The following SDR42E1 variants were observed in gnomAD, a reference collection of about 807,000 sequenced individuals.
The protein encoded by SDR42E1 is short-chain dehydrogenase/reductase family 42E member 1.
A neutral mutation model predicts 2.6 loss-of-function variants in SDR42E1; 5 were observed. The ratio of observed to expected loss-of-function variants is 1.94; its 90% CI spans 1.01 to 4.08. The LOEUF (loss-of-function observed/expected upper bound fraction) is 4.08. Among genes scored for constraint, SDR42E1 ranks in the 30% most tolerant of loss-of-function variants. The pLI, the probability that SDR42E1 is intolerant of heterozygous loss-of-function variation, is 0.00. For missense variants in SDR42E1, 596 were observed against 478.6 expected, an observed-to-expected ratio of 1.25 and a Z score of -2.29; for synonymous variants, 231 against 188.3, an observed-to-expected ratio of 1.23 and a Z score of -1.86.
intron 1 of SDR42E1, among the ~76,000 whole-genome samples, chr16:82,006,398 A>T (rs1912935823): frequency 6.6e-6 from 1 of 152,228 alleles, no homozygotes; most frequent in Admixed American, 6.5e-5. Flanking sequence ...AAAATTATCT[A>T]CTTGTGTTTA....
chr16:82,010,054 C>T (rs1913076044), intron 1 of SDR42E1, among the ~76,000 whole-genome samples: 1 of 152,204 alleles, frequency 6.6e-6, no homozygotes, highest in Admixed American at 6.5e-5. Flanking sequence ...TGACTTTGCT[C>T]CTCTTTTGCC....
chr16:82,004,411 T>A (rs1287454596), intron 1 of SDR42E1, among the ~76,000 whole-genome samples: 1 of 152,204 alleles, frequency 6.6e-6, no homozygotes, highest in Non-Finnish European at 1.5e-5. Flanking sequence ...GTGTGCAAAC[T>A]GAAGCATGGA....
chr16:82,000,951 C>A, intron 1 of SDR42E1, 67 bp from the exon 2 acceptor site: 2 of 1,115,778 alleles, frequency 1.8e-6, no homozygotes, highest in Admixed American at 4.3e-5. Flanking sequence ...TAATTTTGAC[C>A]TAACAAAAAC....
At position 81,995,673 on chromosome 16, in the gene SDR42E1, G is replaced by A. The variant is rs1236618567; in HGVS notation, c.*3438C>T. On this transcript the variant is annotated 3_prime_UTR_variant, in exon 3 of 3. Coordinates refer to ENST00000328945, the MANE Select transcript of SDR42E1 (RefSeq NM_145168.3). Reference sequence around the variant, plus strand: ...AGATTAGAAACAGTGAGTTATCTGTGTGCTAGAAAAGAGTGTTCATCCATA... The same window carrying A: ...AGATTAGAAACAGTGAGTTATCTGTATGCTAGAAAAGAGTGTTCATCCATA... The A allele has an allele frequency of 2.6e-5, 4 of 152,216 alleles. No individual in the cohort carries two copies. Among genetic ancestry groups the A allele is most frequent in the Non-Finnish European group, 5.9e-5 (4 of 68,052 alleles). The allele number at this position is 152,216 out of a possible 1,614,324, so 9.4% of individuals were successfully genotyped here.
rs985065562 is a variant in SDR42E1 at position 81,991,390 on chromosome 16, G to A, written c.*7721C>T. ...CGAGTAACACTTAGCCTTGAATAAT[G>A]TCATGCTAACGTGATAAAACCACCT... is the stretch of plus-strand genomic sequence containing the variant. On this transcript the variant is annotated 3_prime_UTR_variant, in exon 3 of 3. Coordinates refer to ENST00000328945, the MANE Select transcript of SDR42E1 (RefSeq NM_145168.3). 6.6e-6 allele frequency: 1 copy of A among 152,112 alleles called. No individual in the cohort carries two copies. Among genetic ancestry groups the A allele is most frequent in the African/African-American group, 2.4e-5 (1 of 41,422 alleles). The allele number at this position is 152,112 out of a possible 1,614,324, so 9.4% of individuals were successfully genotyped here. A position where few individuals can be genotyped will look rare whatever the true frequency, so the allele number is the denominator to read the frequency against.
Position 81,999,685 on chromosome 16 carries a change from T to G in SDR42E1, c.608A>C (p.Tyr203Ser). ...EQRHLPRIVS[Y>S]IEKGLFKFVY... is the part of the protein sequence containing the mutation. ...AAACTTGAACAGACCCTTCTCGATG[T>G]AGCTGACTATCCTGGGAAGGTGTCT... Residue 203 changes from tyrosine (Y) to serine (S), a missense_variant, in exon 3 of 3, where the codon TAC (tyrosine) becomes TCC (serine). Coordinates refer to ENST00000328945, the MANE Select transcript of SDR42E1 (RefSeq NM_145168.3). 1 of 1,614,206 alleles carries G rather than the reference T, an allele frequency of 6.2e-7. No homozygotes were observed. The highest frequency in any genetic ancestry group is 8.5e-7 in the Non-Finnish European group (1 of 1,180,036).
intron 1 of SDR42E1, among the ~76,000 whole-genome samples, chr16:82,004,835 A>G (rs1288428319): frequency 6.6e-6 from 1 of 152,246 alleles, no homozygotes; most frequent in Non-Finnish European, 1.5e-5. Flanking sequence ...AGTGAGGACA[A>G]AAGGCCAGTG....
At position 81,991,209 on chromosome 16, in the gene SDR42E1, C is replaced by G. The variant is rs142596147; in HGVS notation, c.*7902G>C. On this transcript the variant is annotated 3_prime_UTR_variant, in exon 3 of 3. Transcript: ENST00000328945. ...AATACATGGAATTCCAGTAGATTAA[C>G]AGCACCCCCCGCCCACACACCTCAG... 6.6e-6 allele frequency: 1 copy of G among 152,210 alleles called. No individual in the cohort carries two copies. Among genetic ancestry groups the G allele is most frequent in the African/African-American group, 2.4e-5 (1 of 41,450 alleles). 9.4% of individuals were successfully genotyped at this position (152,210 alleles called of 1,614,324 possible).
chr16:82,001,099 G>GC (rs1912744188), intron 1 of SDR42E1, among the ~76,000 whole-genome samples: 1 of 152,160 alleles, frequency 6.6e-6, no homozygotes, highest in Non-Finnish European at 1.5e-5. Context: ...TACCTGCTCT[G>GC]CCCACCTGAA....
chr16:81,997,247 G>C lies in SDR42E1; in HGVS notation c.*1864C>G, dbSNP rs1310486091. ...TTCTGGCAAGAAGCAGGCAGAAAAAGCTTTGTAGCTGGAAATGTGGGCAAC... is the reference window on the plus strand; with the variant it reads ...TTCTGGCAAGAAGCAGGCAGAAAAACCTTTGTAGCTGGAAATGTGGGCAAC... On this transcript the variant is annotated 3_prime_UTR_variant, in exon 3 of 3. Transcript: ENST00000328945. The C allele has an allele frequency of 6.6e-6, 1 of 152,218 alleles. No individual in the cohort carries two copies. The highest frequency in any genetic ancestry group is 1.5e-5 in the Non-Finnish European group (1 of 68,032). The allele number at this position is 152,218 out of a possible 1,614,324, so 9.4% of individuals were successfully genotyped here. A position where few individuals can be genotyped will look rare whatever the true frequency, so the allele number is the denominator to read the frequency against.
rs1390271952 is a variant in SDR42E1 at position 81,999,433 on chromosome 16, A to T, written c.860T>A (p.Val287Asp). 6.2e-7 allele frequency: 1 copy of T among 1,614,234 alleles called. No homozygotes were observed. The highest frequency in any genetic ancestry group is 8.5e-7 in the Non-Finnish European group (1 of 1,180,046). Residue 287 changes from valine to aspartate, a missense_variant, in exon 3 of 3, where the codon GTC (valine) becomes GAC (aspartate). By Grantham distance (152) the Val-to-Asp change is radical (BLOSUM62 -3). Coordinates refer to ENST00000328945, the MANE Select transcript of SDR42E1 (RefSeq NM_145168.3). The part of the protein sequence containing the change: ...FPSTRLPLTL[V>D]YCFAFLTEMV... ...CTCTGTTAGAAAAGCAAAGCAGTAG[A>T]CCAAGGTCAATGGCAGGCGGGTAGA... is the stretch of plus-strand genomic sequence containing the variant.
In SDR42E1 at chr16:82,000,740, G is replaced by A. The variant is rs372224000; in HGVS notation, c.68+51C>T. ...TCTGCTGTCAGAGTTGAATGCTTCT[G>A]GCAACTACCAGTAAAATAATTCCAT... On this transcript the variant is annotated intron_variant, in intron 2 of 2. Transcript: ENST00000328945. 3 of 1,358,672 alleles carry A rather than the reference G, an allele frequency of 2.2e-6. No homozygotes were observed. The East Asian group carries it at 6.9e-5, about 31-fold the overall frequency. 84.2% of individuals were successfully genotyped at this position (1,358,672 alleles called of 1,614,324 possible). A position where few individuals can be genotyped will look rare whatever the true frequency, so the allele number is the denominator to read the frequency against.
rs1597173450 is a variant in SDR42E1 at position 81,996,741 on chromosome 16, T to G, written c.*2370A>C. The G allele has an allele frequency of 6.6e-6, 1 of 152,218 alleles. No individual in the cohort carries two copies. Among genetic ancestry groups the G allele is most frequent in the East Asian group, 1.9e-4 (1 of 5,170 alleles). 9.4% of individuals were successfully genotyped at this position (152,218 alleles called of 1,614,324 possible). On this transcript the variant is annotated 3_prime_UTR_variant, in exon 3 of 3. Transcript: ENST00000328945. ...AATGAGCACTGAGAAAATCTACCAT[T>G]TCAAGCTGGAGTGGGAGACAGTAAC...
chr16:81,999,237 G>C lies in SDR42E1; in HGVS notation c.1056C>G (p.Ala352=), dbSNP rs762551595. ...DLQEAVEWFK[A]HGHGRSSGSR... ...TTCCAGAACTTCTGCCATGACCATG[G>C]GCTTTAAACCATTCCACTGCTTCCT... The change falls in exon 3 of 3, where the codon GCC becomes GCG. Residue 352 remains alanine, a synonymous_variant. Transcript: ENST00000328945. 2 of 1,614,156 alleles carry C rather than the reference G, an allele frequency of 1.2e-6. No homozygotes were observed. The highest frequency in any genetic ancestry group is 3.3e-5 in the Admixed American group (2 of 60,018).
chr16:82,005,421 T>A (rs1003235908), intron 1 of SDR42E1, among the ~76,000 whole-genome samples: 3 of 152,154 alleles, frequency 2.0e-5, no homozygotes, highest in African/African-American at 7.2e-5. Context: ...AGTAAAGCCT[T>A]CACAGGATGG....
In SDR42E1 at chr16:81,998,191, G is replaced by C. The variant is rs1303787949; in HGVS notation, c.*920C>G. 2.6e-5 allele frequency: 4 copies of C among 152,214 alleles called. No individual in the cohort carries two copies. The highest frequency in any genetic ancestry group is 2.0e-4 in the Admixed American group (3 of 15,274). The allele number at this position is 152,214 out of a possible 1,614,324, so 9.4% of individuals were successfully genotyped here. A position where few individuals can be genotyped will look rare whatever the true frequency, so the allele number is the denominator to read the frequency against. On this transcript the variant is annotated 3_prime_UTR_variant, in exon 3 of 3. Transcript: ENST00000328945. ...GTAAGAAAACCCATCTATGAGTTTA[G>C]AGCTCTGCTTCATTTTTAAACTAAA... is the stretch of plus-strand genomic sequence containing the variant.
chr16:81,996,872 C>A lies in SDR42E1; in HGVS notation c.*2239G>T, dbSNP rs530663051. On this transcript the variant is annotated 3_prime_UTR_variant, in exon 3 of 3. Transcript: ENST00000328945. ...TATCCTTGTGTAGTCTCCTCCCACA[C>A]TGAATACGGCTAACCTGTGTAAACA... 4 of 152,306 alleles carry A rather than the reference C, an allele frequency of 2.6e-5. No homozygotes were observed. Among genetic ancestry groups the A allele is most frequent in the South Asian group, 2.1e-4 (1 of 4,818 alleles). The allele number at this position is 152,306 out of a possible 1,614,324, so 9.4% of individuals were successfully genotyped here.
In SDR42E1 at chr16:81,993,565, G is replaced by C. The variant is rs1912475874; in HGVS notation, c.*5546C>G. On this transcript the variant is annotated 3_prime_UTR_variant, in exon 3 of 3. Coordinates refer to ENST00000328945, the MANE Select transcript of SDR42E1 (RefSeq NM_145168.3). ...TTCTGGAGTCTGCATTTTTAATTTA[G>C]GCCTTGAATGTTCTTATTGCCTCAG... is the stretch of plus-strand genomic sequence containing the variant. 1 of 152,130 alleles carries C rather than the reference G, an allele frequency of 6.6e-6. No individual in the cohort carries two copies. The highest frequency in any genetic ancestry group is 1.5e-5 in the Non-Finnish European group (1 of 68,024). 9.4% of individuals were successfully genotyped at this position (152,130 alleles called of 1,614,324 possible).
chr16:81,999,089 C>T lies in SDR42E1; in HGVS notation c.*22G>A. 2 of 1,601,634 alleles carry T rather than the reference C, an allele frequency of 1.2e-6. No individual in the cohort carries two copies. The highest frequency in any genetic ancestry group is 2.2e-5 in the East Asian group (1 of 44,806). ...GAGAACCATCTCAGCCAACTGTGAT[C>T]ACCTTATTTCTGGCCCCTCCTTCAC... On this transcript the variant is annotated 3_prime_UTR_variant, in exon 3 of 3. Transcript: ENST00000328945.
Sources: allele counts gnomAD v4.1 joint callset (sites outside exome capture counted in the v4.1 genomes callset), GRCh38; gene constraint gnomAD v4.1.1; transcripts MANE v1.5; gene names NCBI Gene and HGNC (gene_info 2026-07-23, HGNC 2026-07-21).